Variants in DRC8 observed in about 807,000 individuals in gnomAD.
The protein encoded by DRC8 is dynein regulatory complex subunit 8.
chr1:245,012,723 T>C, the DRC8 span, among the ~76,000 whole-genome samples: 1 of 152,190 alleles, frequency 6.6e-6, no homozygotes, highest in Non-Finnish European at 1.5e-5. Flanking sequence ...TATCTAAATA[T>C]ACACCTCTTA....
the DRC8 span, among the ~76,000 whole-genome samples, chr1:245,100,570 C>T: frequency 6.6e-6 from 1 of 151,966 alleles, no homozygotes; most frequent in South Asian, 2.1e-4. Context: ...TGCCTCAGCT[C>T]AGGAGTTCGA....
chr1:245,088,365 G>C, the DRC8 span, among the ~76,000 whole-genome samples: 1 of 133,892 alleles, frequency 7.5e-6, no homozygotes, highest in African/African-American at 2.8e-5. This position sits in a 1 kb window ranked among gnomAD's most constrained non-coding sequence, Gnocchi z 4.6. Flanking sequence ...TCTATTTGAA[G>C]ATGGCTTCAC....
chr1:245,072,019 T>A, the DRC8 span, among the ~76,000 whole-genome samples: 1 of 152,204 alleles, frequency 6.6e-6, no homozygotes, highest in East Asian at 1.9e-4. Flanking sequence ...AGTGCAGCAC[T>A]CTCTTAGAAA....
chr1:245,118,625 C>T, the DRC8 span, among the ~76,000 whole-genome samples: 1 of 151,902 alleles, frequency 6.6e-6, no homozygotes, highest in South Asian at 2.1e-4. Flanking sequence ...AACCCCGTCT[C>T]TACTAAAAAT....
the DRC8 span, among the ~76,000 whole-genome samples, chr1:244,983,890 G>A: frequency 6.6e-6 from 1 of 151,958 alleles, no homozygotes; most frequent in Non-Finnish European, 1.5e-5. Context: ...TGTTGTAAAT[G>A]TTCTTATACA....
At chr1:245,024,937 A>G in the DRC8 span, among the ~76,000 whole-genome samples, 1 of 151,356 alleles carries the variant, frequency 6.6e-6, no homozygotes, top group African/African-American at 2.4e-5. Context: ...ATTTTTCCCC[A>G]TTTCTTCCCA....
chr1:245,052,680 G>A, the DRC8 span, among the ~76,000 whole-genome samples: 1 of 152,228 alleles, frequency 6.6e-6, no homozygotes, highest in Admixed American at 6.5e-5. Flanking sequence ...GAAGAATAGA[G>A]GGGGCCTCTG....
chr1:245,002,194 G>A, the DRC8 span: 32 of 1,610,508 alleles, frequency 2.0e-5, no homozygotes, highest in Non-Finnish European at 2.6e-5. Context: ...GGTGGAAGAA[G>A]AGACCATCAC....
the DRC8 span, among the ~76,000 whole-genome samples, chr1:245,084,688 T>C: frequency 6.6e-6 from 1 of 152,162 alleles, no homozygotes; most frequent in Non-Finnish European, 1.5e-5. Flanking sequence ...AAGCTAGAGC[T>C]CTCTGGTTCA....
At chr1:245,040,286 G>C in the DRC8 span, among the ~76,000 whole-genome samples, 777 of 152,300 alleles carry the variant, frequency 5.1e-3, 4 homozygotes, top group African/African-American at 0.017. Context: ...TGGAACCCTT[G>C]TTATGACCAA....
chr1:245,029,244 G>T, the DRC8 span, among the ~76,000 whole-genome samples: 1 of 152,198 alleles, frequency 6.6e-6, no homozygotes, highest in African/African-American at 2.4e-5. Context: ...TAATAAAGAA[G>T]GCCATTTCTG....
At chr1:245,016,409 G>C in the DRC8 span, among the ~76,000 whole-genome samples, 29 of 152,218 alleles carry the variant, frequency 1.9e-4, no homozygotes, top group South Asian at 6.2e-4. Flanking sequence ...CCCTCCTTCA[G>C]GTGTCTGCCC....
At chr1:244,989,801 A>G in the DRC8 span, among the ~76,000 whole-genome samples, 1 of 152,106 alleles carries the variant, frequency 6.6e-6, no homozygotes, top group Non-Finnish European at 1.5e-5. Flanking sequence ...TCTCCTATAT[A>G]TTTATTTACA....
chr1:245,060,854 C>A, the DRC8 span, among the ~76,000 whole-genome samples: 1 of 152,228 alleles, frequency 6.6e-6, no homozygotes, highest in Admixed American at 6.5e-5. Flanking sequence ...AAATCATGGC[C>A]CCTGGCCAAA....
chr1:245,069,836 G>A, the DRC8 span, among the ~76,000 whole-genome samples: 1 of 152,180 alleles, frequency 6.6e-6, no homozygotes, highest in African/African-American at 2.4e-5. Context: ...GAAGCCAGGA[G>A]TTCGGGACCA....
chr1:245,104,399 G>A, the DRC8 span, among the ~76,000 whole-genome samples: 1 of 152,038 alleles, frequency 6.6e-6, no homozygotes, highest in African/African-American at 2.4e-5. Context: ...AGCTACTCGG[G>A]CAGCTGAGGC....
chr1:245,017,678 C>T, the DRC8 span, among the ~76,000 whole-genome samples: 1 of 152,092 alleles, frequency 6.6e-6, no homozygotes, highest in Non-Finnish European at 1.5e-5. Context: ...TTGTAAAACA[C>T]ATAAATATGT....
the DRC8 span, among the ~76,000 whole-genome samples, chr1:245,084,069 C>A: frequency 1.7e-4 from 20 of 119,968 alleles, 2 homozygotes; most frequent in African/African-American, 5.4e-4. Context: ...TCCGCCCCCC[C>A]CCCGGCGCCC....
At chr1:245,111,559 G>A in the DRC8 span, among the ~76,000 whole-genome samples, 1 of 152,206 alleles carries the variant, frequency 6.6e-6, no homozygotes, top group African/African-American at 2.4e-5. Context: ...CCTCTTGAAC[G>A]TATTCGCAGT....
Sources: gnomAD v4.1 joint callset for allele counts (sites outside exome capture counted in the v4.1 genomes callset) on GRCh38, gnomAD v4.1.1 for gene constraint, Gnocchi (gnomAD v3.1) non-coding constraint, MANE v1.5 for transcripts, NCBI Gene and HGNC (gene_info 2026-07-23, HGNC 2026-07-21) for gene names.